The following MFAP3L variants were observed in gnomAD, a reference collection of about 807,000 sequenced individuals.
The protein encoded by MFAP3L is microfibril associated protein 3 like.
MFAP3L carries 5 observed loss-of-function variants against 20.0 expected under a neutral mutation model. The ratio of observed to expected loss-of-function variants is 0.25; its 90% CI spans 0.13 to 0.53. The LOEUF (loss-of-function observed/expected upper bound fraction) is 0.53. Ranked by LOEUF, MFAP3L falls within the 20% of genes least tolerant of loss-of-function variation. MFAP3L has a pLI of 0.96. For synonymous variants in MFAP3L, 219 were observed against 213.0 expected (o/e 1.03, Z -0.25); for missense variants, 409 against 527.5 (o/e 0.78, Z 2.20).
chr4:169,996,942 G>C (rs1269436596), intron 2 of MFAP3L, among the ~76,000 whole-genome samples: 1 of 152,062 alleles, frequency 6.6e-6, no homozygotes, highest in Non-Finnish European at 1.5e-5. Flanking sequence ...GCCCAGTTAA[G>C]ACCCCATCCT....
chr4:170,005,896 A>G lies in MFAP3L; in HGVS notation c.-19T>C. On this transcript the variant is annotated 5_prime_UTR_variant, in exon 2 of 3. Coordinates refer to ENST00000361618, the MANE Select transcript of MFAP3L (RefSeq NM_021647.8). ...GATCCATCTTCTTTGCTTGCTCTGT[A>G]AGGCAATAGAGAGATGGTTTGCCAA... 1 of 1,609,456 alleles carries G rather than the reference A, an allele frequency of 6.2e-7. No individual in the cohort carries two copies. The highest frequency in any genetic ancestry group is 1.1e-5 in the South Asian group (1 of 90,600).
At chr4:170,008,809 T>C (rs1243228867) in intron 1 of MFAP3L, among the ~76,000 whole-genome samples, 2 of 152,190 alleles carry the variant, frequency 1.3e-5, no homozygotes, top group Non-Finnish European at 2.9e-5. Context: ...CTTTTCTGTT[T>C]TGAGTAAATT....
chr4:170,005,218 T>C (rs886334633), intron 2 of MFAP3L: 7 of 290,328 alleles, frequency 2.4e-5, no homozygotes, highest in Non-Finnish European at 3.8e-5. Context: ...AATGGCTATA[T>C]TGTTTATTCC....
chr4:170,015,293 C>A (rs1459149425), intron 1 of MFAP3L, among the ~76,000 whole-genome samples: 1 of 152,158 alleles, frequency 6.6e-6, no homozygotes, highest in Non-Finnish European at 1.5e-5. Context: ...TAGGTCCTTT[C>A]CAAATCTATC....
At position 169,989,415 on chromosome 4, in the gene MFAP3L, A is replaced by G. The variant is rs1737500513; in HGVS notation, c.*1963T>C. The G allele has an allele frequency of 6.6e-6, 1 of 152,234 alleles. No homozygotes were observed. Among genetic ancestry groups the G allele is most frequent in the African/African-American group, 2.4e-5 (1 of 41,460 alleles). The allele number at this position is 152,234 out of a possible 1,614,324, so 9.4% of individuals were successfully genotyped here. A position where few individuals can be genotyped will look rare whatever the true frequency, so the allele number is the denominator to read the frequency against. ...GCCCACTGCTCTCAATTACAGAGCC[A>G]GATAATGTTTGTTGTAAAGTTTGGA... On this transcript the variant is annotated 3_prime_UTR_variant, in exon 3 of 3. Coordinates refer to ENST00000361618, the MANE Select transcript of MFAP3L (RefSeq NM_021647.8).
chr4:170,014,653 T>C (rs1262354527), intron 1 of MFAP3L, among the ~76,000 whole-genome samples: 2 of 152,194 alleles, frequency 1.3e-5, no homozygotes, highest in Non-Finnish European at 1.5e-5. Flanking sequence ...CTAATATGAC[T>C]CAGGACCTGA....
At chr4:170,002,512 CT>C (rs576564306) in intron 2 of MFAP3L, among the ~76,000 whole-genome samples, 19 of 151,826 alleles carry the variant, frequency 1.3e-4, no homozygotes, top group African/African-American at 4.1e-4. Context: ...TATCATTTTT[CT>C]TTTTTTTGTT....
At chr4:170,000,886 C>T (rs1438725811) in intron 2 of MFAP3L, among the ~76,000 whole-genome samples, 2 of 151,982 alleles carry the variant, frequency 1.3e-5, no homozygotes, top group African/African-American at 2.4e-5. Flanking sequence ...CCAAGCCCTG[C>T]TAACTTTTTT....
intron 2 of MFAP3L, among the ~76,000 whole-genome samples, chr4:170,002,799 G>A (rs899917359): frequency 6.6e-6 from 1 of 151,218 alleles, no homozygotes; most frequent in Non-Finnish European, 1.5e-5. Flanking sequence ...TGAGCCACGC[G>A]CTTGGCCTAG....
chr4:170,025,551 G>A (rs1740298181), intron 1 of MFAP3L, among the ~76,000 whole-genome samples: 1 of 151,902 alleles, frequency 6.6e-6, no homozygotes, highest in Admixed American at 6.6e-5. Context: ...TTTCAGGGCT[G>A]GAGAAGACAG....
intron 1 of MFAP3L, among the ~76,000 whole-genome samples, chr4:170,007,313 C>T (rs925596470): frequency 1.3e-5 from 2 of 152,174 alleles, no homozygotes; most frequent in African/African-American, 2.4e-5. Context: ...GACACCCTGC[C>T]ATGACTTTGC....
chr4:170,026,846 AC>A (rs1002466601), upstream of MFAP3L: 1 of 152,084 alleles, frequency 6.6e-6, no homozygotes, highest in African/African-American at 2.4e-5. Context: ...CAGTCAACCC[AC>A]CCCCAAGCCT....
At chr4:170,013,760 A>G (rs749506529) in intron 1 of MFAP3L, among the ~76,000 whole-genome samples, 39 of 152,212 alleles carry the variant, frequency 2.6e-4, no homozygotes, top group Non-Finnish European at 4.4e-4. Context: ...TTGATGTTTG[A>G]GCACATAATG....
intron 1 of MFAP3L, among the ~76,000 whole-genome samples, chr4:170,008,446 A>C (rs964232098): frequency 2.0e-5 from 3 of 152,216 alleles, no homozygotes; most frequent in Admixed American, 2.0e-4. Flanking sequence ...AAAGGTATTT[A>C]TTATGTGCCG....
intron 2 of MFAP3L, among the ~76,000 whole-genome samples, chr4:169,998,372 C>G (rs1262380262): frequency 1.3e-5 from 2 of 152,366 alleles, no homozygotes; most frequent in East Asian, 3.9e-4. Flanking sequence ...AACGCTCACA[C>G]AAACAACTTC....
upstream of MFAP3L, among the ~76,000 whole-genome samples, chr4:170,026,641 G>A (rs910815126): frequency 2.0e-5 from 3 of 151,226 alleles, no homozygotes; most frequent in Non-Finnish European, 4.4e-5. Flanking sequence ...TCAGCCTCTG[G>A]GCCGGGCCTC....
Position 169,992,283 on chromosome 4 carries a change from G to T in MFAP3L, c.325C>A (p.Leu109Ile). Residue 109 changes from leucine to isoleucine, a missense_variant, in exon 3 of 3, where the codon CTC becomes ATC. Transcript: ENST00000361618. This position sits in a 1 kb window ranked among gnomAD's most constrained non-coding sequence, Gnocchi z 4.3. ...AAGGATACCTTGGTGATGTTCAGGA[G>T]GCCGCTGTCGTGCATTTGCCATTTT... ...GGKWQMHDSG[L>I]LNITKVSFSD... 6.2e-7 allele frequency: 1 copy of T among 1,610,986 alleles called. No individual in the cohort carries two copies.
intron 1 of MFAP3L, among the ~76,000 whole-genome samples, chr4:170,011,135 A>G (rs906090750): frequency 5.9e-5 from 9 of 152,146 alleles, no homozygotes; most frequent in African/African-American, 2.2e-4. Context: ...TTTGCCTTCC[A>G]CCATGATTCT....
rs946780059 is a variant in MFAP3L at position 169,996,016 on chromosome 4, C to G, written c.299-3707G>C. Reference sequence around the variant, plus strand: ...CAGACTGTAGCCCCGCCACCCCCCACCCCCCACCCTGAAATACCCTTCCTC... The same window carrying G: ...CAGACTGTAGCCCCGCCACCCCCCAGCCCCCACCCTGAAATACCCTTCCTC... On this transcript the variant is annotated intron_variant, in intron 2 of 2. Coordinates refer to ENST00000361618, the MANE Select transcript of MFAP3L (RefSeq NM_021647.8). Among the ~76,000 whole-genome samples the G allele has an allele frequency of 2.4e-5, 3 of 123,570 alleles. No homozygotes were observed. In the Admixed American group the frequency reaches 2.6e-4, roughly 11 times the overall value. The allele number at this position is 123,570 out of a possible 152,430, so 81.1% of individuals were successfully genotyped here.
Sources: allele counts gnomAD v4.1 joint callset (sites outside exome capture counted in the v4.1 genomes callset), GRCh38; gene constraint gnomAD v4.1.1; non-coding constraint Gnocchi (gnomAD v3.1); transcripts MANE v1.5; gene names NCBI Gene and HGNC (gene_info 2026-07-23, HGNC 2026-07-21).